The following OR6C1 variants were observed in gnomAD, a reference collection of about 807,000 sequenced individuals.
OR6C1 encodes olfactory receptor 6C1.
For missense variants in OR6C1, 386 were observed against 366.1 expected (o/e 1.05, Z -0.44); for synonymous variants, 157 against 133.3 (o/e 1.18, Z -1.22).
chr12:55,315,980 TGAA>T lies in OR6C1; in HGVS notation c.-34+1388_-34+1390del, dbSNP rs1407962694. 2.6e-5 allele frequency among the ~76,000 whole-genome samples: 4 copies of T among 151,136 alleles called. 1 individual carries two copies. The highest frequency in any genetic ancestry group is 1.5e-5 in the Non-Finnish European group (1 of 67,602). On this transcript the variant is annotated intron_variant, in intron 1 of 1. Transcript: ENST00000642104. ...ATTTTTTCAGTGATCTCTATTAAGG[TGAA>T]GAAGAAAGAACTGAGTAAACACAGA...
chr12:55,316,679 G>A (rs994768981), intron 1 of OR6C1, among the ~76,000 whole-genome samples: 1 of 151,922 alleles, frequency 6.6e-6, no homozygotes, highest in Non-Finnish European at 1.5e-5. Context: ...GACTATGGAT[G>A]CTGATAATTT....
chr12:55,320,821 C>G lies in OR6C1; in HGVS notation c.222C>G (p.Val74=). 6.2e-7 allele frequency: 1 copy of G among 1,613,528 alleles called. No homozygotes were observed. Among genetic ancestry groups the G allele is most frequent in the Non-Finnish European group, 8.5e-7 (1 of 1,179,580 alleles). ...FSILEISFTT[V]SIPKFLGNII... is the part of the protein sequence containing the mutation. ...TATTAGAAATTTCGTTCACAACCGT[C>G]AGTATACCCAAGTTTCTGGGTAACA... Residue 74 remains valine (V), a synonymous_variant, in exon 2 of 2, where the codon GTC becomes GTG. Coordinates refer to ENST00000642104, the MANE Select transcript of OR6C1 (RefSeq NM_001005182.2).
intron 1 of OR6C1, among the ~76,000 whole-genome samples, chr12:55,315,120 C>T (rs1384806906): frequency 1.3e-5 from 2 of 151,548 alleles, no homozygotes; most frequent in African/African-American, 4.8e-5. Context: ...CTAAATGCTG[C>T]ATGATTTATG....
At position 55,320,622 on chromosome 12, in the gene OR6C1, C is replaced by T. The variant is rs74350806; in HGVS notation, c.23C>T (p.Thr8Ile). The T allele has an allele frequency of 6.2e-7, 1 of 1,603,872 alleles. No homozygotes were observed. The highest frequency in any genetic ancestry group is 8.5e-7 in the Non-Finnish European group (1 of 1,173,670). Residue 8 changes from threonine to isoleucine, a missense_variant, in exon 2 of 2, where the codon ACA becomes ATA. Thr to Ile is a moderately conservative substitution (Grantham distance 89). Transcript: ENST00000642104. MRNHTEI[T>I]EFILLGLTDD... Reference sequence around the variant, plus strand: ...AGAATGAGAAACCATACAGAAATAACAGAGTTTATTCTTCTGGGATTAACA... The same window carrying T: ...AGAATGAGAAACCATACAGAAATAATAGAGTTTATTCTTCTGGGATTAACA...
intron 1 of OR6C1, among the ~76,000 whole-genome samples, chr12:55,316,317 C>A (rs1868410476): frequency 6.6e-6 from 1 of 151,712 alleles, no homozygotes; most frequent in African/African-American, 2.4e-5. Context: ...GATGGCAGAG[C>A]AAGATATAGG....
chr12:55,317,924 A>G (rs2120442212), intron 1 of OR6C1, among the ~76,000 whole-genome samples: 1 of 146,384 alleles, frequency 6.8e-6, no homozygotes, highest in South Asian at 2.1e-4. Flanking sequence ...TAATATATAT[A>G]TATATATTAT....
intron 1 of OR6C1, among the ~76,000 whole-genome samples, chr12:55,319,961 C>T (rs534243631): frequency 1.5e-4 from 23 of 152,084 alleles, no homozygotes; most frequent in African/African-American, 4.1e-4. Context: ...ACCAGCATGG[C>T]GAAACCCCAT....
At chr12:55,319,722 G>T (rs1235488865) in intron 1 of OR6C1, among the ~76,000 whole-genome samples, 1 of 152,176 alleles carries the variant, frequency 6.6e-6, no homozygotes, top group Non-Finnish European at 1.5e-5. Flanking sequence ...TTAGAGCAAT[G>T]CCATGTGCCC....
chr12:55,320,552 T>A lies in OR6C1; in HGVS notation c.-33-15T>A. On this transcript the variant is annotated splice_polypyrimidine_tract_variant and intron_variant, in intron 1 of 1. Transcript: ENST00000642104. The stretch of plus-strand genomic sequence containing the variant: ...GATAACTCTTCAAGTTTGTTCTTTG[T>A]ACTTTCTCTTGTAGGTCTGGCAGGG... 9.0e-7 allele frequency: 1 copy of A among 1,110,686 alleles called. No individual in the cohort carries two copies. The highest frequency in any genetic ancestry group is 1.3e-6 in the Non-Finnish European group (1 of 756,570). 68.8% of individuals were successfully genotyped at this position (1,110,686 alleles called of 1,614,324 possible). A position where few individuals can be genotyped will look rare whatever the true frequency, so the allele number is the denominator to read the frequency against.
At chr12:55,314,856 C>G (rs1868384976) in intron 1 of OR6C1, among the ~76,000 whole-genome samples, 3 of 151,486 alleles carry the variant, frequency 2.0e-5, no homozygotes, top group Admixed American at 6.6e-5. Context: ...AGAGAAGAGG[C>G]TAAGTCGTCT....
Position 55,321,173 on chromosome 12 carries a change from T to G in OR6C1, c.574T>G (p.Phe192Val), listed in dbSNP as rs766544893. Residue 192 changes from phenylalanine to valine, a missense_variant, in exon 2 of 2, where the codon TTC becomes GTC. By Grantham distance (50) the Phe-to-Val change is conservative (BLOSUM62 -1). Coordinates refer to ENST00000642104, the MANE Select transcript of OR6C1 (RefSeq NM_001005182.2). ...LLQLACSDTK[F>V]LEVMGFSCAA... Reference sequence around the variant, plus strand: ...GCAACTTGCTTGTTCAGACACAAAATTCTTAGAGGTGATGGGATTTTCTTG... The same window carrying G: ...GCAACTTGCTTGTTCAGACACAAAAGTCTTAGAGGTGATGGGATTTTCTTG... 186 of 1,613,906 alleles carry G rather than the reference T, an allele frequency of 1.2e-4. No homozygotes were observed. Among genetic ancestry groups the G allele is most frequent in the Non-Finnish European group, 1.2e-4 (138 of 1,179,924 alleles).
rs368241591 is a variant in OR6C1 at position 55,321,359 on chromosome 12, A to G, written c.760A>G (p.Ile254Val). ...VVVSISYGSC[I>V]FMYIKPSAKD... Reference sequence around the variant, plus strand: ...TGTCTCCATCTCTTATGGCAGCTGCATTTTTATGTACATTAAACCCTCAGC... The same window carrying G: ...TGTCTCCATCTCTTATGGCAGCTGCGTTTTTATGTACATTAAACCCTCAGC... The change falls in exon 2 of 2, where the codon ATT becomes GTT. Residue 254 changes from isoleucine (I) to valine (V), a missense_variant. By Grantham distance (29) the Ile-to-Val change is conservative. Transcript: ENST00000642104. 5.6e-6 allele frequency: 9 copies of G among 1,613,868 alleles called. No homozygotes were observed. Among genetic ancestry groups the G allele is most frequent in the East Asian group, 4.5e-5 (2 of 44,864 alleles).
intron 1 of OR6C1, among the ~76,000 whole-genome samples, chr12:55,315,919 A>T (rs1158623880): frequency 1.3e-5 from 2 of 151,744 alleles, no homozygotes; most frequent in Non-Finnish European, 3.0e-5. Context: ...ACAGAGTTAT[A>T]TGAGCAATAT....
intron 1 of OR6C1, among the ~76,000 whole-genome samples, chr12:55,318,096 G>A (rs1007290713): frequency 2.6e-5 from 4 of 151,212 alleles, no homozygotes; most frequent in African/African-American, 9.7e-5. Flanking sequence ...ATAATTTACT[G>A]TAAGCTTCAA....
rs1592262814 is a variant in OR6C1 at position 55,320,713 on chromosome 12, T to C, written c.114T>C (p.Thr38=). ...TCATCACCTACATGCTCAGCATCAC[T>C]GGGAACCTGACCCTTATCACAATTA... The part of the protein sequence containing the change: ...FLLITYMLSI[T]GNLTLITITL... The change falls in exon 2 of 2, where the codon ACT becomes ACC. Residue 38 remains threonine, a synonymous_variant. Coordinates refer to ENST00000642104, the MANE Select transcript of OR6C1 (RefSeq NM_001005182.2). 6.2e-7 allele frequency: 1 copy of C among 1,613,954 alleles called. No individual in the cohort carries two copies. The highest frequency in any genetic ancestry group is 1.1e-5 in the South Asian group (1 of 91,072).
chr12:55,319,158 A>G (rs952978425), intron 1 of OR6C1, among the ~76,000 whole-genome samples: 1 of 151,900 alleles, frequency 6.6e-6, no homozygotes, highest in Non-Finnish European at 1.5e-5. Context: ...AAATATCATG[A>G]AATATTGATT....
chr12:55,317,353 AT>A (rs1418459372), intron 1 of OR6C1, among the ~76,000 whole-genome samples: 3 of 152,036 alleles, frequency 2.0e-5, no homozygotes, highest in Non-Finnish European at 4.4e-5. Context: ...TAATTCAGAA[AT>A]AATGTTTCAT....
At chr12:55,320,027 G>A (rs1219331989) in intron 1 of OR6C1, among the ~76,000 whole-genome samples, 1 of 152,044 alleles carries the variant, frequency 6.6e-6, no homozygotes, top group East Asian at 1.9e-4. Context: ...TGTAATCCCA[G>A]CTACTCAGGA....
At chr12:55,319,880 C>A (rs1213617520) in intron 1 of OR6C1, among the ~76,000 whole-genome samples, 2 of 152,196 alleles carry the variant, frequency 1.3e-5, no homozygotes, top group Non-Finnish European at 1.5e-5. Context: ...GTGGCTCATG[C>A]CTGTAATCCC....
Sources: allele counts gnomAD v4.1 joint callset (sites outside exome capture counted in the v4.1 genomes callset), GRCh38; gene constraint gnomAD v4.1.1; transcripts MANE v1.5; gene names NCBI Gene and HGNC (gene_info 2026-07-23, HGNC 2026-07-21).